ZNF34: variants seen among roughly 807,000 people sequenced by gnomAD.
ZNF34 encodes the protein zinc finger protein 34 (KOX 32).
In ZNF34, 8 loss-of-function variants were observed where a neutral mutation model predicts 14.4. The ratio of observed to expected loss-of-function variants is 0.55; its 90% CI spans 0.33 to 1.00. The LOEUF is 1.00. Ranked by LOEUF, ZNF34 falls within the 50% of genes least tolerant of loss-of-function variation. The pLI is 0.03. For missense variants in ZNF34, 538 were observed against 674.2 expected (o/e 0.80, Z 2.24); for synonymous variants, 235 against 247.9 (o/e 0.95, Z 0.49).
intron 1 of ZNF34, among the ~76,000 whole-genome samples, chr8:144,786,602 C>T (rs553729685): frequency 3.3e-5 from 5 of 151,502 alleles, no homozygotes; most frequent in African/African-American, 1.2e-4. Flanking sequence ...CCATCGTACT[C>T]CAGCCTGGGC....
chr8:144,786,300 G>A (rs968083349), intron 1 of ZNF34, among the ~76,000 whole-genome samples: 22 of 150,990 alleles, frequency 1.5e-4, no homozygotes, highest in African/African-American at 5.1e-4. Context: ...TACATATGTA[G>A]ATTTTTAAGA....
intron 1 of ZNF34, among the ~76,000 whole-genome samples, chr8:144,781,722 C>G (rs533273470): frequency 6.6e-6 from 1 of 152,210 alleles, no homozygotes; most frequent in African/African-American, 2.4e-5. Context: ...TTTGGCAAAA[C>G]AATTTCTATC....
Position 144,774,669 on chromosome 8 carries a change from G to A in ZNF34, c.281-64C>T. On this transcript the variant is annotated intron_variant, in intron 5 of 5. Transcript: ENST00000429371. ...TGACTCTGGAAGGTAGGCATGAGAT[G>A]CTGCTGGCCACCTGTGGGGAACCAA... The A allele has an allele frequency of 3.9e-6, 6 of 1,529,586 alleles. No individual in the cohort carries two copies. In the South Asian group the frequency reaches 7.7e-5, roughly 20 times the overall value. 94.8% of individuals were successfully genotyped at this position (1,529,586 alleles called of 1,614,324 possible).
intron 1 of ZNF34, among the ~76,000 whole-genome samples, chr8:144,782,094 C>T (rs558067213): frequency 2.0e-5 from 3 of 152,148 alleles, no homozygotes; most frequent in South Asian, 2.1e-4. Context: ...GAGGCTGAGG[C>T]GGGTGGATCA....
intron 1 of ZNF34, among the ~76,000 whole-genome samples, chr8:144,784,155 G>A (rs1826079859): frequency 1.4e-5 from 2 of 144,290 alleles, no homozygotes; most frequent in Non-Finnish European, 3.0e-5. Flanking sequence ...GCGAGACTAC[G>A]TCTCCAGAAA....
rs992505328 is a variant in ZNF34, at chr8:144,772,365, A to G, written c.*901T>C. On this transcript the variant is annotated 3_prime_UTR_variant, in exon 6 of 6. Coordinates refer to ENST00000429371, the MANE Select transcript of ZNF34 (RefSeq NM_001286769.2). ...AGGTACAGGGTTTCTGTTTGGAGTA[A>G]TAAAACAGTTCTGGAAATACACAGT... 1.3e-5 allele frequency among the ~76,000 whole-genome samples: 2 copies of G among 152,192 alleles called. No individual in the cohort carries two copies. The highest frequency in any genetic ancestry group is 6.6e-5 in the Admixed American group (1 of 15,266).
In ZNF34 at chr8:144,778,533, A is replaced by G; in HGVS notation, c.-54-8T>C. On this transcript the variant is annotated splice_polypyrimidine_tract_variant and splice_region_variant and intron_variant, in intron 2 of 5. Transcript: ENST00000429371. ...GAGCTGGTCACTGAGGAGCTGAGGG[A>G]AGAGAACGCAACAAGTGGAGGCCCA... 1 of 1,554,872 alleles carries G rather than the reference A, an allele frequency of 6.4e-7. No homozygotes were observed. Among genetic ancestry groups the G allele is most frequent in the Non-Finnish European group, 8.7e-7 (1 of 1,150,236 alleles).
chr8:144,774,886 A>C (rs1205794780), intron 5 of ZNF34, among the ~76,000 whole-genome samples: 3 of 152,152 alleles, frequency 2.0e-5, no homozygotes, highest in African/African-American at 7.2e-5. Context: ...CAAGTACCCA[A>C]GTGGGGTCCT....
chr8:144,778,145 TCCTCGAAGGTCA>T lies in ZNF34; in HGVS notation c.41_52del (p.Val14_Glu17del). On this transcript the variant is annotated inframe_deletion, in exon 4 of 6. Transcript: ENST00000429371. The stretch of plus-strand genomic sequence containing the variant: ...CTCCCGGGAGAGGTACACAGCCACG[TCCTCGAAGGTCA>T]CCTCGGCCTGGAATGACAGGGACTA... 6.2e-7 allele frequency: 1 copy of T among 1,613,306 alleles called. No individual in the cohort carries two copies. The highest frequency in any genetic ancestry group is 1.1e-5 in the South Asian group (1 of 91,026).
At position 144,779,570 on chromosome 8, in the gene ZNF34, T is replaced by C. The variant is rs570690104; in HGVS notation, c.-55+658A>G. ...GCTGGACTTCATAGCCCCCATGGCC[T>C]GGTGTTGGGTCTGATCACCCCAACA... is the stretch of plus-strand genomic sequence containing the variant. On this transcript the variant is annotated intron_variant, in intron 2 of 5. Transcript: ENST00000429371. The surrounding 1 kb of genome is among the most constrained non-coding windows in gnomAD (Gnocchi z 4.1). 2.6e-5 allele frequency among the ~76,000 whole-genome samples: 4 copies of C among 152,310 alleles called. No individual in the cohort carries two copies. The East Asian group carries it at 7.7e-4, about 29-fold the overall frequency.
At position 144,777,682 on chromosome 8, in the gene ZNF34, T is replaced by C. The variant is rs1395070481; in HGVS notation, c.161-105A>G. ...GTAAGGGAGGCACAGGCAGAGGGGG[T>C]GATGGAAGCCTGGACACTCTCTGGA... On this transcript the variant is annotated intron_variant, in intron 4 of 5. Coordinates refer to ENST00000429371, the MANE Select transcript of ZNF34 (RefSeq NM_001286769.2). This position sits in a 1 kb window ranked among gnomAD's most constrained non-coding sequence, Gnocchi z 4.8. 1.5e-6 allele frequency: 2 copies of C among 1,368,432 alleles called. No homozygotes were observed. The highest frequency in any genetic ancestry group is 2.0e-6 in the Non-Finnish European group (2 of 1,012,118). 84.8% of individuals were successfully genotyped at this position (1,368,432 alleles called of 1,614,324 possible). A position where few individuals can be genotyped will look rare whatever the true frequency, so the allele number is the denominator to read the frequency against.
At chr8:144,784,889 G>A (rs548519416) in intron 1 of ZNF34, among the ~76,000 whole-genome samples, 5 of 152,104 alleles carry the variant, frequency 3.3e-5, no homozygotes, top group Non-Finnish European at 4.4e-5. Flanking sequence ...TTGGGAGGCC[G>A]AGGTGGCCAG....
intron 1 of ZNF34, among the ~76,000 whole-genome samples, chr8:144,783,517 C>T (rs1024897532): frequency 2.0e-5 from 3 of 152,314 alleles, no homozygotes; most frequent in East Asian, 1.9e-4. Flanking sequence ...AGGAGTTCCA[C>T]AGCATTGCCA....
At position 144,777,727 on chromosome 8, in the gene ZNF34, G is replaced by A. The variant is rs1825611263; in HGVS notation, c.161-150C>T. 7 of 1,043,970 alleles carry A rather than the reference G, an allele frequency of 6.7e-6. No homozygotes were observed. Among genetic ancestry groups the A allele is most frequent in the Non-Finnish European group, 1.4e-6 (1 of 735,208 alleles). The allele number at this position is 1,043,970 out of a possible 1,614,324, so 64.7% of individuals were successfully genotyped here. ...TCTGGAGGGCACTGAGATTGGGCTG[G>A]GGCAGTCCTGAGCATAAGGGAATGA... is the stretch of plus-strand genomic sequence containing the variant. On this transcript the variant is annotated intron_variant, in intron 4 of 5. Coordinates refer to ENST00000429371, the MANE Select transcript of ZNF34 (RefSeq NM_001286769.2). This position sits in a 1 kb window ranked among gnomAD's most constrained non-coding sequence, Gnocchi z 4.8.
Position 144,774,304 on chromosome 8 carries a change from A to G in ZNF34, c.582T>C (p.Arg194=). The G allele has an allele frequency of 6.2e-7, 1 of 1,612,890 alleles. No homozygotes were observed. Among genetic ancestry groups the G allele is most frequent in the South Asian group, 1.1e-5 (1 of 90,962 alleles). The change falls in exon 6 of 6, where the codon CGT becomes CGC. Residue 194 remains arginine, a synonymous_variant. Coordinates refer to ENST00000429371, the MANE Select transcript of ZNF34 (RefSeq NM_001286769.2). The part of the protein sequence containing the change: ...EQRSYLNNHK[R]VHRSKKTNTV... ...TATTTGTTTTTTTTGACCTGTGTAC[A>G]CGCTTATGGTTGTTGAGATATGATC... is the stretch of plus-strand genomic sequence containing the variant.
intron 1 of ZNF34, among the ~76,000 whole-genome samples, chr8:144,784,342 A>G (rs1478140921): frequency 1.3e-5 from 2 of 152,028 alleles, no homozygotes; most frequent in African/African-American, 2.4e-5. Context: ...ATTAATGGCA[A>G]TGAAGAAGGA....
rs1825237617 is a variant in ZNF34 at position 144,772,551 on chromosome 8, A to T, written c.*715T>A. Among the ~76,000 whole-genome samples, 1 of 152,162 alleles carries T rather than the reference A, an allele frequency of 6.6e-6. No homozygotes were observed. Among genetic ancestry groups the T allele is most frequent in the Non-Finnish European group, 1.5e-5 (1 of 68,022 alleles). ...TATGAATGTTAAGTTTGTTTCATTT[A>T]TTTTTTGAGACAGCGTCTCGCTCTG... On this transcript the variant is annotated 3_prime_UTR_variant, in exon 6 of 6. Transcript: ENST00000429371.
chr8:144,774,366 GAGGTCTCTGATCAGGAAC>G lies in ZNF34; in HGVS notation c.502_519del (p.Val168_Pro173del), dbSNP rs1435605992. 1 of 1,612,864 alleles carries G rather than the reference GAGGTCTCTGATCAGGAAC, an allele frequency of 6.2e-7. No homozygotes were observed. The highest frequency in any genetic ancestry group is 8.5e-7 in the Non-Finnish European group (1 of 1,179,410). On this transcript the variant is annotated inframe_deletion, in exon 6 of 6. Coordinates refer to ENST00000429371, the MANE Select transcript of ZNF34 (RefSeq NM_001286769.2). ...CTTTGCTCACATATATCACATTTGT[GAGGTCTCTGATCAGGAAC>G]AGGTCTTGACAGCAACCTGAGGTTT... is the stretch of plus-strand genomic sequence containing the variant.
chr8:144,783,472 A>G (rs1024110648), intron 1 of ZNF34, among the ~76,000 whole-genome samples: 8 of 152,234 alleles, frequency 5.3e-5, no homozygotes, highest in African/African-American at 1.9e-4. Context: ...TCTACATAGA[A>G]AATCCAAGAG....
Sources: gnomAD v4.1 joint callset for allele counts (sites outside exome capture counted in the v4.1 genomes callset) on GRCh38, gnomAD v4.1.1 for gene constraint, Gnocchi (gnomAD v3.1) non-coding constraint, MANE v1.5 for transcripts, NCBI Gene and HGNC (gene_info 2026-07-23, HGNC 2026-07-21) for gene names.